The following GTSF1 variants were observed in gnomAD, a reference collection of about 807,000 sequenced individuals.
GTSF1 encodes the protein gametocyte-specific factor 1.
A neutral mutation model predicts 28.9 loss-of-function variants in GTSF1; 11 were observed. The observed-to-expected ratio is 0.38, with a 90% CI of 0.24 to 0.63. GTSF1 has a LOEUF of 0.63. GTSF1 is among the 30% of genes least tolerant of loss of function. The probability of loss-of-function intolerance (pLI) is 0.56; values close to 1 mark genes in which losing one functional copy is unlikely to be tolerated. For synonymous variants in GTSF1, 69 were observed against 65.6 expected, an observed-to-expected ratio of 1.05 and a Z score of -0.25; for missense variants, 146 against 201.0, an observed-to-expected ratio of 0.73 and a Z score of 1.66.
At chr12:54,460,693 C>G (rs1274704736) in intron 6 of GTSF1, among the ~76,000 whole-genome samples, 4 of 152,180 alleles carry the variant, frequency 2.6e-5, no homozygotes, top group Non-Finnish European at 4.4e-5. Context: ...ATGGGTCTAA[C>G]CATTTTCATT....
intron 2 of GTSF1, among the ~76,000 whole-genome samples, chr12:54,467,355 T>C (rs12309857): frequency 0.1 from 15,808 of 151,310 alleles, 994 homozygotes; most frequent in African/African-American, 0.17. Context: ...CTCACTGTTA[T>C]CCAGGCTGGA....
chr12:54,471,396 A>C, intron 1 of GTSF1, 119 bp from the exon 2 acceptor site: 1 of 507,124 alleles, frequency 2.0e-6, no homozygotes, highest in South Asian at 3.8e-5. Context: ...AGAAACCTTT[A>C]CTCTCCCCAC....
At position 54,469,687 on chromosome 12, in the gene GTSF1, C is replaced by CAAAA. The variant is rs375917825; in HGVS notation, c.16+1542_16+1545dup. On this transcript the variant is annotated intron_variant, in intron 2 of 8. Transcript: ENST00000305879. ...TGGGTGACAGAGCGAGACTCCTTCT[C>CAAAA]AAAAAAAAAAAAAAAAAAAAAGACA... is the stretch of plus-strand genomic sequence containing the variant. Among the ~76,000 whole-genome samples, 115 of 57,576 alleles carry CAAAA rather than the reference C, an allele frequency of 2.0e-3. 3 individuals carry two copies. The highest frequency in any genetic ancestry group is 5.7e-3 in the South Asian group (7 of 1,230). The allele number at this position is 57,576 out of a possible 152,430, so 37.8% of individuals were successfully genotyped here.
At chr12:54,467,550 G>T (rs1956537886) in intron 2 of GTSF1, among the ~76,000 whole-genome samples, 3 of 151,962 alleles carry the variant, frequency 2.0e-5, no homozygotes, top group Admixed American at 2.0e-4. Flanking sequence ...CCTGACCTCA[G>T]GTGATCCACC....
At chr12:54,464,981 A>G (rs1039872289) in intron 3 of GTSF1, 86 bp downstream of exon 3, 20 of 774,452 alleles carry the variant, frequency 2.6e-5, no homozygotes, top group Non-Finnish European at 8.5e-6. Context: ...CAATCAATTA[A>G]AACATGATAA....
intron 3 of GTSF1, 52 bp from the exon 4 acceptor site, chr12:54,463,349 A>T (rs746378226): frequency 6.3e-7 from 1 of 1,587,442 alleles, no homozygotes; most frequent in Non-Finnish European, 8.6e-7. Context: ...TACTAAAGTC[A>T]ACAGGGAGTA....
At chr12:54,472,037 A>AG (rs1054029720) in intron 1 of GTSF1, 2 of 152,226 alleles carry the variant, frequency 1.3e-5, no homozygotes, top group African/African-American at 4.8e-5. Context: ...ATGGAGTGAG[A>AG]TCCTGTCTTT....
intron 1 of GTSF1, chr12:54,472,716 G>T (rs1359429828): frequency 6.6e-6 from 1 of 151,952 alleles, no homozygotes; most frequent in East Asian, 1.9e-4. Flanking sequence ...CATAAGCAGC[G>T]TTAGAACCTA....
chr12:54,460,111 G>C (rs1290826558), intron 7 of GTSF1, among the ~76,000 whole-genome samples: 1 of 152,126 alleles, frequency 6.6e-6, no homozygotes, highest in East Asian at 1.9e-4. Context: ...ATTTTCTCAT[G>C]GTATTTGACG....
chr12:54,461,482 G>C (rs1956422331), intron 6 of GTSF1, among the ~76,000 whole-genome samples: 1 of 151,944 alleles, frequency 6.6e-6, no homozygotes, highest in Non-Finnish European at 1.5e-5. Flanking sequence ...AGACCAGCCT[G>C]GGCAAAAATA....
intron 1 of GTSF1, 74 bp from the exon 2 acceptor site, chr12:54,471,351 C>T (rs981075808): frequency 3.9e-6 from 4 of 1,025,328 alleles, no homozygotes; most frequent in Non-Finnish European, 4.3e-6. Flanking sequence ...GAAGTGGAGT[C>T]ACTTCTGGAT....
chr12:54,457,276 G>A (rs1956347772), intron 8 of GTSF1, among the ~76,000 whole-genome samples: 1 of 152,092 alleles, frequency 6.6e-6, no homozygotes, highest in Non-Finnish European at 1.5e-5. Flanking sequence ...AGGAGAGAAG[G>A]GTCTGGTCTT....
intron 3 of GTSF1, 131 bp downstream of exon 3, chr12:54,464,936 T>C (rs958448884): frequency 1.6e-5 from 9 of 568,932 alleles, no homozygotes; most frequent in East Asian, 3.0e-5. Flanking sequence ...TAAATGTTGG[T>C]ATTTAAGAGA....
intron 5 of GTSF1, 22 bp downstream of exon 5, chr12:54,462,620 A>G (rs1337772973): frequency 6.3e-7 from 1 of 1,587,192 alleles, no homozygotes; most frequent in East Asian, 2.2e-5. Context: ...ATTGTGAAGA[A>G]AAAGATGTAG....
At chr12:54,458,967 T>G (rs972410625) in intron 8 of GTSF1, 122 bp downstream of exon 8, 2 of 621,700 alleles carry the variant, frequency 3.2e-6, no homozygotes, top group Admixed American at 3.0e-5. Flanking sequence ...AAAAAACACA[T>G]GCACACACAA....
At chr12:54,461,553 G>A (rs557944103) in intron 6 of GTSF1, among the ~76,000 whole-genome samples, 4 of 152,144 alleles carry the variant, frequency 2.6e-5, no homozygotes, top group African/African-American at 9.6e-5. Context: ...AGGCCCAGGG[G>A]GATCGCTTGA....
intron 5 of GTSF1, 80 bp from the exon 6 acceptor site, chr12:54,462,252 G>A: frequency 9.9e-7 from 1 of 1,011,788 alleles, no homozygotes; most frequent in Non-Finnish European, 1.6e-6. Flanking sequence ...TTTATAAGAT[G>A]GGAAATAATA....
At chr12:54,470,276 A>C (rs1485018094) in intron 2 of GTSF1, among the ~76,000 whole-genome samples, 4 of 152,210 alleles carry the variant, frequency 2.6e-5, no homozygotes, top group African/African-American at 9.7e-5. Context: ...ACTTGTTAGA[A>C]ATGCAAATTC....
At chr12:54,465,992 T>C (rs1956507323) in intron 2 of GTSF1, among the ~76,000 whole-genome samples, 1 of 152,206 alleles carries the variant, frequency 6.6e-6, no homozygotes, top group Admixed American at 6.5e-5. Flanking sequence ...ACTACTACAT[T>C]AGCCAGCTAA....
Sources: allele counts gnomAD v4.1 joint callset (sites outside exome capture counted in the v4.1 genomes callset), GRCh38; gene constraint gnomAD v4.1.1; transcripts MANE v1.5; gene names NCBI Gene and HGNC (gene_info 2026-07-23, HGNC 2026-07-21).